The following COPS5 variants were observed in gnomAD, a reference collection of about 807,000 sequenced individuals.
COPS5 encodes the protein COP9 signalosome complex subunit 5.
In COPS5, 8 loss-of-function variants were observed where a neutral mutation model predicts 44.4. That is an observed-to-expected ratio of 0.18 (90% CI 0.11 to 0.32). The LOEUF is 0.32. Among genes scored for constraint, COPS5 ranks in the 10% least tolerant of loss-of-function variants. COPS5 has a pLI of 1.00. For synonymous variants in COPS5, 122 were observed against 142.8 expected, an observed-to-expected ratio of 0.85 and a Z score of 1.04; for missense variants, 159 against 406.4, an observed-to-expected ratio of 0.39 and a Z score of 5.23.
chr8:67,050,558 A>AGAGTGTGTGT (rs1554544964), intron 6 of COPS5, among the ~76,000 whole-genome samples: 12 of 140,996 alleles, frequency 8.5e-5, no homozygotes, highest in African/African-American at 2.9e-4. Context: ...TGTGAGTGTG[A>AGAGTGTGTGT]GTGTGTGTGT....
chr8:67,051,193 A>G (rs1475182958), intron 6 of COPS5, 37 bp downstream of exon 6: 3 of 1,284,358 alleles, frequency 2.3e-6, no homozygotes, highest in Non-Finnish European at 3.4e-6. Context: ...AAGCTTAGAT[A>G]AAATTCAAAT....
chr8:67,055,252 G>A (rs971015491), intron 5 of COPS5, among the ~76,000 whole-genome samples: 1 of 152,220 alleles, frequency 6.6e-6, no homozygotes, highest in African/African-American at 2.4e-5. Context: ...ACACAGAGGT[G>A]TGCAGTCTGT....
At chr8:67,051,388 ACTACGTCACAT>A in intron 5 of COPS5, 47 bp from the exon 6 acceptor site, 4 of 1,014,424 alleles carry the variant, frequency 3.9e-6, no homozygotes, top group Non-Finnish European at 6.0e-6. Flanking sequence ...AAAAAATTCA[ACTACGTCACAT>A]AAAACTTATG....
chr8:67,055,639 G>A (rs994440742), intron 5 of COPS5, among the ~76,000 whole-genome samples: 7 of 152,062 alleles, frequency 4.6e-5, no homozygotes, highest in African/African-American at 1.2e-4. Context: ...AGGCCGAGGC[G>A]GGTGGATCAC....
intron 7 of COPS5, chr8:67,045,486 T>C (rs1816689009): frequency 1.3e-5 from 3 of 226,064 alleles, no homozygotes; most frequent in Non-Finnish European, 2.6e-5. Context: ...TACACACACA[T>C]ACACACACAC....
At chr8:67,049,192 T>C (rs1816737776) in intron 6 of COPS5, among the ~76,000 whole-genome samples, 1 of 152,182 alleles carries the variant, frequency 6.6e-6, no homozygotes, top group Non-Finnish European at 1.5e-5. Flanking sequence ...TGGCTGGGCA[T>C]GGTGGCTCAC....
Position 67,061,954 on chromosome 8 carries a change from G to A in COPS5, c.43C>T (p.Leu15=). Residue 15 remains leucine (L), a synonymous_variant, in exon 1 of 8, where the codon CTG becomes TTG. Coordinates refer to ENST00000357849, the MANE Select transcript of COPS5 (RefSeq NM_006837.3). ...GSGMAQKTWE[L]ANNMQEAQSI... is the part of the protein sequence containing the mutation. ...TGAGCTTCCTGCATGTTGTTGGCCA[G>A]TTCCCAGGTTTTCTGGGCCATACCG... The A allele has an allele frequency of 6.2e-7, 1 of 1,614,254 alleles. No homozygotes were observed. The highest frequency in any genetic ancestry group is 8.5e-7 in the Non-Finnish European group (1 of 1,180,048).
intron 5 of COPS5, among the ~76,000 whole-genome samples, chr8:67,053,369 G>A (rs1026948952): frequency 2.0e-5 from 3 of 151,308 alleles, no homozygotes; most frequent in Non-Finnish European, 2.9e-5. Context: ...AAATGCTTAC[G>A]GATTAAAGTT....
At chr8:67,050,177 A>G (rs1804378417) in intron 6 of COPS5, among the ~76,000 whole-genome samples, 1 of 151,462 alleles carries the variant, frequency 6.6e-6, no homozygotes, top group South Asian at 2.1e-4. Context: ...AATTTTTTGT[A>G]TTTTTAGTAG....
chr8:67,053,134 G>C (rs1804444096), intron 5 of COPS5, among the ~76,000 whole-genome samples: 1 of 151,970 alleles, frequency 6.6e-6, no homozygotes, highest in Admixed American at 6.5e-5. Flanking sequence ...CTGTCACTTA[G>C]GCTGGAGTGC....
At chr8:67,052,820 TA>T (rs750238033) in intron 5 of COPS5, among the ~76,000 whole-genome samples, 623 of 113,932 alleles carry the variant, frequency 5.5e-3, no homozygotes, top group Admixed American at 6.2e-3. Flanking sequence ...GACTCTGTCT[TA>T]AAAAAAAAAA....
At chr8:67,045,013 A>C (rs1420536502) in intron 7 of COPS5, 1 of 152,200 alleles carries the variant, frequency 6.6e-6, no homozygotes, top group Non-Finnish European at 1.5e-5. Flanking sequence ...CACATCCCAA[A>C]TTTGTTCCTA....
At position 67,062,093 on chromosome 8, in the gene COPS5, A is replaced by T; in HGVS notation, c.-97T>A. ...GGGCCTTGACCCTCCGCACCACGGGAACAAACTCTTACCTAGACTCTTGGG... is the reference window on the plus strand; with the variant it reads ...GGGCCTTGACCCTCCGCACCACGGGTACAAACTCTTACCTAGACTCTTGGG... On this transcript the variant is annotated 5_prime_UTR_variant, in exon 1 of 8. Coordinates refer to ENST00000357849, the MANE Select transcript of COPS5 (RefSeq NM_006837.3). 1.9e-6 allele frequency: 3 copies of T among 1,585,864 alleles called. No individual in the cohort carries two copies. The highest frequency in any genetic ancestry group is 2.6e-6 in the Non-Finnish European group (3 of 1,168,714).
At chr8:67,055,089 T>C (rs551204068) in intron 5 of COPS5, among the ~76,000 whole-genome samples, 1 of 152,298 alleles carries the variant, frequency 6.6e-6, no homozygotes, top group East Asian at 1.9e-4. Flanking sequence ...AATAAGAGCG[T>C]TCTAGGCAGA....
rs879095567 is a variant in COPS5 at position 67,056,658 on chromosome 8, T to G, written c.574-54A>C. The G allele has an allele frequency of 4.3e-4, 2 of 4,694 alleles. 1 individual carries two copies. The highest frequency in any genetic ancestry group is 1.4e-3 in the African/African-American group (2 of 1,444). The allele number at this position is 4,694 out of a possible 1,614,324, so 0.3% of individuals were successfully genotyped here. A position where few individuals can be genotyped will look rare whatever the true frequency, so the allele number is the denominator to read the frequency against. ...TAAGAAAAAAAAAAAAAAAAATATA[T>G]ATATATATATATATATATATATATA... On this transcript the variant is annotated intron_variant, in intron 4 of 7. Coordinates refer to ENST00000357849, the MANE Select transcript of COPS5 (RefSeq NM_006837.3).
At chr8:67,058,543 T>C (rs895766366) in intron 2 of COPS5, among the ~76,000 whole-genome samples, 2 of 152,196 alleles carry the variant, frequency 1.3e-5, no homozygotes, top group Admixed American at 6.5e-5. Context: ...GATGGTTATC[T>C]TTTTATTTTT....
In COPS5 at chr8:67,043,131, G is replaced by A. The variant is rs1280152528; in HGVS notation, c.*102C>T. The A allele has an allele frequency of 3.1e-6, 2 of 649,486 alleles. No individual in the cohort carries two copies. The highest frequency in any genetic ancestry group is 1.9e-5 in the South Asian group (1 of 53,774). The allele number at this position is 649,486 out of a possible 1,614,324, so 40.2% of individuals were successfully genotyped here. A position where few individuals can be genotyped will look rare whatever the true frequency, so the allele number is the denominator to read the frequency against. ...ATATTAATATTTAGGACACTTCAGA[G>A]CACCTTATACTTCTAATCAGATTTT... On this transcript the variant is annotated 3_prime_UTR_variant, in exon 8 of 8. Coordinates refer to ENST00000357849, the MANE Select transcript of COPS5 (RefSeq NM_006837.3).
intron 1 of COPS5, chr8:67,060,577 C>T: frequency 9.1e-7 from 1 of 1,098,092 alleles, no homozygotes; most frequent in Non-Finnish European, 1.2e-6. Flanking sequence ...AGTTACTGTG[C>T]TCCTATTACA....
chr8:67,062,064 G>T lies in COPS5; in HGVS notation c.-68C>A. 6.2e-7 allele frequency: 1 copy of T among 1,610,006 alleles called. No homozygotes were observed. The highest frequency in any genetic ancestry group is 8.5e-7 in the Non-Finnish European group (1 of 1,178,886). ...CAACTTTACCTCGCTAGGTTTCCGG[G>T]TGTGGGCCTTGACCCTCCGCACCAC... On this transcript the variant is annotated 5_prime_UTR_variant, in exon 1 of 8. Coordinates refer to ENST00000357849, the MANE Select transcript of COPS5 (RefSeq NM_006837.3).
Sources: allele counts gnomAD v4.1 joint callset (sites outside exome capture counted in the v4.1 genomes callset), GRCh38; gene constraint gnomAD v4.1.1; transcripts MANE v1.5; gene names NCBI Gene and HGNC (gene_info 2026-07-23, HGNC 2026-07-21).